GRB14: variants seen among roughly 807,000 people sequenced by gnomAD.
GRB14 encodes growth factor receptor bound protein 14, also known as growth factor receptor-bound protein 14.
A neutral mutation model predicts 69.1 loss-of-function variants in GRB14; 38 were observed. The observed-to-expected ratio is 0.55, with a 90% confidence interval of 0.42 to 0.72. The LOEUF (loss-of-function observed/expected upper bound fraction) is 0.72, where lower values mean the gene tolerates loss of function less well. Among genes scored for constraint, GRB14 ranks in the 30% least tolerant of loss-of-function variants. The pLI, the probability that GRB14 is intolerant of heterozygous loss-of-function variation, is 0.00. For synonymous variants in GRB14, 247 were observed against 241.3 expected (o/e 1.02, Z -0.22); for missense variants, 666 against 666.1 (o/e 1.00, Z 0.00).
intron 2 of GRB14, among the ~76,000 whole-genome samples, chr2:164,595,778 G>A (rs1014423328): frequency 3.9e-5 from 6 of 152,136 alleles, no homozygotes; most frequent in African/African-American, 1.2e-4. Context: ...ACAGTTGGTG[G>A]CACTTAGAGA....
chr2:164,611,560 T>C (rs1690167466), intron 2 of GRB14, among the ~76,000 whole-genome samples: 1 of 151,318 alleles, frequency 6.6e-6, no homozygotes. Context: ...TAGAGCCAAA[T>C]GTGTATTGGA....
chr2:164,589,896 T>C (rs1447249802), intron 2 of GRB14, among the ~76,000 whole-genome samples: 1 of 152,158 alleles, frequency 6.6e-6, no homozygotes, highest in African/African-American at 2.4e-5. Flanking sequence ...GGTGCCAGCA[T>C]TGTCGAGTTC....
At chr2:164,549,434 C>T (rs1688468652) in intron 2 of GRB14, among the ~76,000 whole-genome samples, 1 of 152,022 alleles carries the variant, frequency 6.6e-6, no homozygotes, top group Non-Finnish European at 1.5e-5. Context: ...GTTATCTATC[C>T]AAGACTTGTT....
chr2:164,511,709 G>A (rs1457045295), intron 6 of GRB14, among the ~76,000 whole-genome samples: 1 of 152,108 alleles, frequency 6.6e-6, no homozygotes, highest in East Asian at 1.9e-4. Context: ...GGTGACTATG[G>A]TGAGAGATTC....
intron 2 of GRB14, among the ~76,000 whole-genome samples, chr2:164,562,473 C>T (rs549243149): frequency 5.3e-5 from 8 of 152,152 alleles, no homozygotes; most frequent in Non-Finnish European, 1.2e-4. Context: ...CTCTCCCTGG[C>T]TGAAATCTAT....
chr2:164,573,778 C>T, intron 2 of GRB14: 2 of 1,612,080 alleles, frequency 1.2e-6, no homozygotes, highest in Non-Finnish European at 1.7e-6. Context: ...TCTGTCGCAT[C>T]CACCAGTGTA....
chr2:164,517,526 T>C (rs1415764021), intron 6 of GRB14, among the ~76,000 whole-genome samples: 1 of 152,102 alleles, frequency 6.6e-6, no homozygotes, highest in African/African-American at 2.4e-5. Flanking sequence ...AATACTAACA[T>C]TGACTGTAAA....
intron 3 of GRB14, among the ~76,000 whole-genome samples, chr2:164,540,476 T>A (rs1688203952): frequency 6.6e-6 from 1 of 151,942 alleles, no homozygotes; most frequent in Non-Finnish European, 1.5e-5. Flanking sequence ...GGGTGTGGTG[T>A]CAGGCTCCTG....
In GRB14 at chr2:164,574,137, CAT is replaced by C. The variant is rs1346016179; in HGVS notation, c.325-26323_325-26322del. 7.6e-6 allele frequency: 5 copies of C among 654,738 alleles called. No individual in the cohort carries two copies. The East Asian group carries it at 8.1e-5, about 11-fold the overall frequency. 40.6% of individuals were successfully genotyped at this position (654,738 alleles called of 1,614,324 possible). A position where few individuals can be genotyped will look rare whatever the true frequency, so the allele number is the denominator to read the frequency against. On this transcript the variant is annotated intron_variant, in intron 2 of 13. Transcript: ENST00000263915. ...AATTTTCACTTCCTTAAGTAAATGACATAGAGTCAGTCTTTACAGTTGATGAG... is the reference window on the plus strand; with the variant it reads ...AATTTTCACTTCCTTAAGTAAATGACAGAGTCAGTCTTTACAGTTGATGAG...
At chr2:164,570,604 C>T (rs1401233512) in intron 2 of GRB14, among the ~76,000 whole-genome samples, 4 of 152,050 alleles carry the variant, frequency 2.6e-5, no homozygotes, top group African/African-American at 7.2e-5. Flanking sequence ...AAGAAGGAAA[C>T]GGCACTTGCT....
chr2:164,521,107 A>T (rs187326944), intron 6 of GRB14, among the ~76,000 whole-genome samples: 14 of 152,294 alleles, frequency 9.2e-5, no homozygotes, highest in African/African-American at 3.4e-4. Context: ...AACCAGCGCA[A>T]ATCCCCATCA....
chr2:164,602,979 A>G (rs115623095), intron 2 of GRB14, among the ~76,000 whole-genome samples: 206 of 152,316 alleles, frequency 1.4e-3, no homozygotes, highest in African/African-American at 4.9e-3. Context: ...TAAGAAAAAG[A>G]AAGACATTGT....
At chr2:164,610,340 G>T (rs1160462730) in intron 2 of GRB14, among the ~76,000 whole-genome samples, 1 of 151,950 alleles carries the variant, frequency 6.6e-6, no homozygotes, top group Non-Finnish European at 1.5e-5. Flanking sequence ...TAAACTTAAA[G>T]AAAGTATAGC....
At chr2:164,549,649 G>C (rs946708557) in intron 2 of GRB14, among the ~76,000 whole-genome samples, 3 of 151,972 alleles carry the variant, frequency 2.0e-5, no homozygotes, top group Non-Finnish European at 4.4e-5. Context: ...GATCACATGA[G>C]GTCAGGAGTT....
chr2:164,522,675 A>T (rs1687663731), intron 5 of GRB14, among the ~76,000 whole-genome samples: 1 of 152,156 alleles, frequency 6.6e-6, no homozygotes, highest in East Asian at 1.9e-4. Flanking sequence ...AGCAAACAAA[A>T]CTATCTCTTC....
chr2:164,499,054 T>C (rs1400136469), intron 9 of GRB14, among the ~76,000 whole-genome samples: 1 of 152,114 alleles, frequency 6.6e-6, no homozygotes, highest in East Asian at 1.9e-4. Context: ...ATACTTGTGC[T>C]TTGCTGACAT....
In GRB14 at chr2:164,496,242, A is replaced by G. The variant is rs529153468; in HGVS notation, c.1382+766T>C. 7.4e-4 allele frequency among the ~76,000 whole-genome samples: 113 copies of G among 152,322 alleles called. 1 individual carries two copies. The highest frequency in any genetic ancestry group is 2.7e-3 in the African/African-American group (111 of 41,584). On this transcript the variant is annotated intron_variant, in intron 12 of 13. Transcript: ENST00000263915. ...AAAGATCCCATCACCACTTGTTTAA[A>G]TTGATAATGATTTCATTACTCATCT...
At chr2:164,532,114 T>G (rs1405574774) in intron 3 of GRB14, among the ~76,000 whole-genome samples, 1 of 152,192 alleles carries the variant, frequency 6.6e-6, no homozygotes, top group African/African-American at 2.4e-5. Context: ...TCTGGGGATT[T>G]ACATGTCCCA....
In GRB14 at chr2:164,537,693, G is replaced by A. The variant is rs147383905; in HGVS notation, c.481+9967C>T. Among the ~76,000 whole-genome samples the A allele has an allele frequency of 3.3e-3, 499 of 152,294 alleles. 4 individuals carry two copies. The highest frequency in any genetic ancestry group is 0.011 in the African/African-American group (473 of 41,574). ...GTAGCCGAGGCTATAAGAATATGTA[G>A]AAGAAAAAATCAGCTGAATCAGAAG... On this transcript the variant is annotated intron_variant, in intron 3 of 13. Transcript: ENST00000263915.
Sources: allele counts gnomAD v4.1 joint callset (sites outside exome capture counted in the v4.1 genomes callset), GRCh38; gene constraint gnomAD v4.1.1; transcripts MANE v1.5; gene names NCBI Gene and HGNC (gene_info 2026-07-23, HGNC 2026-07-21).